Variants in RNF180 observed in about 807,000 individuals in gnomAD.
RNF180 encodes the protein ring finger protein 180.
Under a neutral mutation model 59.2 loss-of-function variants are expected in RNF180, and 38 were observed. The ratio of observed to expected loss-of-function variants is 0.64; its 90% CI spans 0.50 to 0.84. The LOEUF (loss-of-function observed/expected upper bound fraction) is 0.84, where lower values mean the gene tolerates loss of function less well. Ranked by LOEUF, RNF180 falls within the 40% of genes least tolerant of loss-of-function variation. The probability of loss-of-function intolerance (pLI) is 0.00; values close to 1 mark genes in which losing one functional copy is unlikely to be tolerated. For synonymous variants in RNF180, 262 were observed against 240.3 expected, an observed-to-expected ratio of 1.09 and a Z score of -0.84; for missense variants, 705 against 700.9, an observed-to-expected ratio of 1.01 and a Z score of -0.07.
At chr5:64,209,491 A>G (rs994012680) in intron 2 of RNF180, among the ~76,000 whole-genome samples, 6 of 152,184 alleles carry the variant, frequency 3.9e-5, no homozygotes, top group East Asian at 3.9e-4. Flanking sequence ...AGTCCCTGGC[A>G]TATTAATAAG....
At chr5:64,230,577 C>T (rs562984967) in intron 5 of RNF180, among the ~76,000 whole-genome samples, 23 of 152,366 alleles carry the variant, frequency 1.5e-4, no homozygotes, top group Non-Finnish European at 2.6e-4. Context: ...CCACTTCAAT[C>T]ATGATAATCT....
chr5:64,188,334 C>A (rs1322411563), intron 1 of RNF180, among the ~76,000 whole-genome samples: 3 of 151,780 alleles, frequency 2.0e-5, no homozygotes, highest in Non-Finnish European at 2.9e-5. Context: ...TGAGCACTTA[C>A]AGTATACAAC....
chr5:64,214,666 T>C, intron 4 of RNF180, 149 bp downstream of exon 4: 1 of 666,616 alleles, frequency 1.5e-6, no homozygotes, highest in South Asian at 2.0e-5. Flanking sequence ...TCAGTAATCA[T>C]GCAGCCATAT....
At chr5:64,309,553 A>G (rs1174939352) in intron 5 of RNF180, among the ~76,000 whole-genome samples, 1 of 151,602 alleles carries the variant, frequency 6.6e-6, no homozygotes, top group African/African-American at 2.4e-5. Context: ...GAAAATACTA[A>G]TATCGGACCT....
chr5:64,323,854 CTACTATTAA>C (rs1217398040), intron 5 of RNF180, among the ~76,000 whole-genome samples: 2 of 152,194 alleles, frequency 1.3e-5, no homozygotes, highest in Non-Finnish European at 2.9e-5. Context: ...AACAAACCTT[CTACTATTAA>C]TACTAACCTC....
intron 7 of RNF180, among the ~76,000 whole-genome samples, chr5:64,365,286 G>GA (rs1746404103): frequency 6.6e-6 from 1 of 151,686 alleles, no homozygotes; most frequent in South Asian, 2.1e-4. Flanking sequence ...TCAGAAGCAG[G>GA]TTGTTTAATT....
chr5:64,325,399 T>C lies in RNF180; in HGVS notation c.1441T>C (p.Phe481Leu). The C allele has an allele frequency of 1.3e-6, 2 of 1,547,854 alleles. No individual in the cohort carries two copies. The highest frequency in any genetic ancestry group is 1.7e-6 in the Non-Finnish European group (2 of 1,143,410). ...PLCRTIISRVFFQTELNNATK... is the reference protein window; with the variant it reads ...PLCRTIISRVLFQTELNNATK... ...GTGTCGGACAATTATTTCTAGAGTC[T>C]TTTTCCAAACAGGTAACAATTCTCT... Residue 481 changes from phenylalanine to leucine, a missense_variant, in exon 6 of 8, where the codon TTT becomes CTT. Physicochemically the swap from Phe to Leu is conservative, Grantham distance 22. Transcript: ENST00000389100.
At position 64,184,509 on chromosome 5, in the gene RNF180, T is replaced by A. The variant is rs1750778181; in HGVS notation, c.1-16299T>A. Among the ~76,000 whole-genome samples the A allele has an allele frequency of 2.6e-5, 4 of 152,344 alleles. No individual in the cohort carries two copies. In the South Asian group the frequency reaches 8.3e-4, roughly 32 times the overall value. ...TGCTTCTATACTGAAGAATTTTTGC[T>A]CACCAACTATTTGGTTACCGTGAAA... On this transcript the variant is annotated intron_variant, in intron 1 of 7. Coordinates refer to ENST00000389100, the MANE Select transcript of RNF180 (RefSeq NM_001113561.2).
intron 7 of RNF180, among the ~76,000 whole-genome samples, chr5:64,342,827 G>T (rs1042165741): frequency 6.6e-6 from 1 of 152,116 alleles, no homozygotes; most frequent in Non-Finnish European, 1.5e-5. Context: ...GTCCCATTGT[G>T]AACTCCGTAG....
chr5:64,184,242 A>G (rs774854301), intron 1 of RNF180, among the ~76,000 whole-genome samples: 1 of 152,104 alleles, frequency 6.6e-6, no homozygotes. Flanking sequence ...TGTTTAAACT[A>G]CCCAGTCTGT....
chr5:64,360,683 T>C (rs1580311116), intron 7 of RNF180, among the ~76,000 whole-genome samples: 2 of 151,768 alleles, frequency 1.3e-5, no homozygotes, highest in Admixed American at 1.3e-4. Context: ...GAACTGTTAA[T>C]GGCCTGACAT....
intron 5 of RNF180, among the ~76,000 whole-genome samples, chr5:64,263,779 A>G (rs1299400136): frequency 1.3e-5 from 2 of 152,144 alleles, no homozygotes; most frequent in African/African-American, 4.8e-5. Context: ...CCTTAGTCAC[A>G]TCTATTTTTT....
At chr5:64,365,167 CT>C (rs1475475617) in intron 7 of RNF180, among the ~76,000 whole-genome samples, 1 of 151,462 alleles carries the variant, frequency 6.6e-6, no homozygotes, top group Non-Finnish European at 1.5e-5. Context: ...ATCTTTCTAA[CT>C]TTTTGATGTG....
intron 5 of RNF180, among the ~76,000 whole-genome samples, chr5:64,240,394 G>A (rs1184235921): frequency 6.6e-6 from 1 of 152,084 alleles, no homozygotes; most frequent in Non-Finnish European, 1.5e-5. Flanking sequence ...GCCTAAATGA[G>A]GAGGACATAA....
intron 7 of RNF180, among the ~76,000 whole-genome samples, chr5:64,361,472 A>T (rs1296827209): frequency 6.6e-6 from 1 of 151,626 alleles, no homozygotes; most frequent in Non-Finnish European, 1.5e-5. Flanking sequence ...AATAATGAGT[A>T]TGTGGAATAT....
chr5:64,275,256 G>A (rs894803219), intron 5 of RNF180, among the ~76,000 whole-genome samples: 1 of 150,042 alleles, frequency 6.7e-6, no homozygotes, highest in Non-Finnish European at 1.5e-5. Context: ...ATGACATAAT[G>A]TGGACTTTGT....
chr5:64,367,416 T>C (rs1746493008), intron 7 of RNF180, among the ~76,000 whole-genome samples: 1 of 151,666 alleles, frequency 6.6e-6, no homozygotes, highest in South Asian at 2.1e-4. Flanking sequence ...AAAAAGTTTT[T>C]AAATCAAATC....
At chr5:64,325,053 T>C (rs1309504187) in intron 5 of RNF180, 133 bp from the exon 6 acceptor site, 1 of 612,080 alleles carries the variant, frequency 1.6e-6, no homozygotes, top group Non-Finnish European at 2.9e-6. Flanking sequence ...AAGGTAGCAT[T>C]TCTGGCACTT....
At chr5:64,272,083 AATAG>A (rs769165180) in intron 5 of RNF180, among the ~76,000 whole-genome samples, 1 of 152,084 alleles carries the variant, frequency 6.6e-6, no homozygotes, top group East Asian at 1.9e-4. Context: ...GCTACTACAT[AATAG>A]ATAATGTACT....
Sources: gnomAD v4.1 joint callset for allele counts (sites outside exome capture counted in the v4.1 genomes callset) on GRCh38, gnomAD v4.1.1 for gene constraint, MANE v1.5 for transcripts, NCBI Gene and HGNC (gene_info 2026-07-23, HGNC 2026-07-21) for gene names.